The following ADAM22 variants were observed in gnomAD, a reference collection of about 807,000 sequenced individuals.
The protein encoded by ADAM22 is ADAM metallopeptidase domain 22, also known as disintegrin and metalloproteinase domain-containing protein 22.
A neutral mutation model predicts 144.6 loss-of-function variants in ADAM22; 65 were observed. The ratio of observed to expected loss-of-function variants is 0.45; its 90% CI spans 0.37 to 0.55. The LOEUF is 0.55. Among genes scored for constraint, ADAM22 ranks in the 20% least tolerant of loss-of-function variants. The pLI is 0.00. For missense variants in ADAM22, 974 were observed against 1,184.9 expected, an observed-to-expected ratio of 0.82 and a Z score of 2.61; for synonymous variants, 391 against 412.6, an observed-to-expected ratio of 0.95 and a Z score of 0.63.
At chr7:87,976,255 A>G (rs1232703095) in intron 2 of ADAM22, among the ~76,000 whole-genome samples, 1 of 152,184 alleles carries the variant, frequency 6.6e-6, no homozygotes, top group African/African-American at 2.4e-5. Context: ...CCACATTTAA[A>G]TGTTGAAACT....
chr7:88,012,638 AC>A (rs1444718721), intron 3 of ADAM22, among the ~76,000 whole-genome samples: 30 of 152,138 alleles, frequency 2.0e-4, no homozygotes, highest in African/African-American at 6.8e-4. Flanking sequence ...TTCAGCTGTA[AC>A]CCGTGAATAT....
At chr7:88,168,402 T>A in intron 25 of ADAM22, 175 bp downstream of exon 25, 1 of 680,744 alleles carries the variant, frequency 1.5e-6, no homozygotes, top group Non-Finnish European at 2.7e-6. Flanking sequence ...GATAATAACA[T>A]CATTTTTTAG....
intron 7 of ADAM22, among the ~76,000 whole-genome samples, chr7:88,117,732 C>T (rs1032365340): frequency 1.4e-5 from 2 of 147,684 alleles, no homozygotes; most frequent in Admixed American, 1.4e-4. Flanking sequence ...CTTGCTCTAT[C>T]GCCCAGGCTG....
At chr7:88,005,353 T>A (rs1391544252) in intron 3 of ADAM22, among the ~76,000 whole-genome samples, 1 of 152,150 alleles carries the variant, frequency 6.6e-6, no homozygotes, top group African/African-American at 2.4e-5. Flanking sequence ...GCAGGGGTAG[T>A]GGAAGCTATC....
intron 3 of ADAM22, among the ~76,000 whole-genome samples, chr7:87,990,561 A>G (rs924839592): frequency 6.6e-6 from 1 of 152,204 alleles, no homozygotes; most frequent in African/African-American, 2.4e-5. Context: ...ACTATTGGAA[A>G]CAATCACCCT....
intron 3 of ADAM22, among the ~76,000 whole-genome samples, chr7:88,041,050 A>G (rs1160364216): frequency 6.6e-6 from 1 of 152,028 alleles, no homozygotes; most frequent in East Asian, 1.9e-4. Context: ...TTCTGACCTG[A>G]TTAAGGGCTC....
intron 30 of ADAM22, among the ~76,000 whole-genome samples, chr7:88,189,899 A>T (rs1431348672): frequency 1.3e-5 from 2 of 151,528 alleles, no homozygotes; most frequent in Non-Finnish European, 2.9e-5. Flanking sequence ...AGCCGAGATC[A>T]CACCACTGTA....
intron 3 of ADAM22, among the ~76,000 whole-genome samples, chr7:88,053,159 C>A (rs1806991948): frequency 6.6e-6 from 1 of 152,112 alleles, no homozygotes; most frequent in South Asian, 2.1e-4. Flanking sequence ...CACAGACACA[C>A]AGACACACAT....
At chr7:88,002,647 A>G (rs895291095) in intron 3 of ADAM22, among the ~76,000 whole-genome samples, 1 of 152,258 alleles carries the variant, frequency 6.6e-6, no homozygotes, top group Non-Finnish European at 1.5e-5. Context: ...AAGGGAGATT[A>G]TATTTAATAA....
intron 14 of ADAM22, 132 bp downstream of exon 14, chr7:88,136,163 CTT>C: frequency 3.2e-6 from 2 of 627,014 alleles, no homozygotes; most frequent in Non-Finnish European, 4.8e-6. Context: ...AAAATAACCT[CTT>C]ATTTATAAAA....
intron 3 of ADAM22, among the ~76,000 whole-genome samples, chr7:87,996,354 A>C (rs941018113): frequency 6.6e-6 from 1 of 152,206 alleles, no homozygotes; most frequent in Non-Finnish European, 1.5e-5. Context: ...ATCAAGGCTG[A>C]TTCTGTCTTA....
Position 88,163,130 on chromosome 7 carries a change from T to C in ADAM22, c.2026T>C (p.Phe676Leu), listed in dbSNP as rs541315761. The C allele has an allele frequency of 4.7e-5, 75 of 1,612,210 alleles. No individual in the cohort carries two copies. The South Asian group carries it at 7.8e-4, about 17-fold the overall frequency. Residue 676 changes from phenylalanine to leucine, a missense_variant, in exon 23 of 32, where the codon TTT (phenylalanine) becomes CTT (leucine). By Grantham distance (22) the Phe-to-Leu change is conservative (BLOSUM62 0). Transcript: ENST00000413139. ...GTGTCTTCCTGTGGCTTCTTTCAAC[T>C]TTAGTACTTGCTTGAGCAGTAAAGA... Reference protein sequence around the residue: ...HRCLPVASFNFSTCLSSKEGT... With the variant: ...HRCLPVASFNLSTCLSSKEGT...
chr7:88,180,212 TC>T (rs1846661295), intron 27 of ADAM22, among the ~76,000 whole-genome samples: 1 of 152,118 alleles, frequency 6.6e-6, no homozygotes, highest in South Asian at 2.1e-4. Context: ...GGAGTATGTT[TC>T]TACAGAATAA....
At chr7:88,001,686 A>G (rs1792600972) in intron 3 of ADAM22, among the ~76,000 whole-genome samples, 2 of 151,964 alleles carry the variant, frequency 1.3e-5, no homozygotes, top group South Asian at 2.1e-4. Context: ...ATTGTGGCCC[A>G]CTGTGTGCTG....
chr7:88,178,756 C>G (rs1311917307), intron 26 of ADAM22, among the ~76,000 whole-genome samples, 179 bp from the exon 27 acceptor site: 1 of 152,018 alleles, frequency 6.6e-6, no homozygotes, highest in Non-Finnish European at 1.5e-5. Context: ...CATTTCTGGC[C>G]TCTACAGTTA....
At chr7:88,182,252 GC>G (rs1365855244) in intron 29 of ADAM22, 5 of 450,166 alleles carry the variant, frequency 1.1e-5, no homozygotes, top group African/African-American at 8.1e-5. Flanking sequence ...GGTCTCACCT[GC>G]AGGCTTTTTC....
intron 13 of ADAM22, 132 bp downstream of exon 13, chr7:88,134,551 C>T (rs189406471): frequency 1.5e-4 from 89 of 597,818 alleles, no homozygotes; most frequent in African/African-American, 1.4e-3. Flanking sequence ...AAACATCCAG[C>T]GCACAAACTG....
intron 20 of ADAM22, among the ~76,000 whole-genome samples, chr7:88,152,197 T>C (rs1838601472): frequency 1.3e-5 from 2 of 152,216 alleles, no homozygotes; most frequent in Admixed American, 1.3e-4. Context: ...TTTTATCCAC[T>C]TGAGCAAAAA....
intron 10 of ADAM22, 108 bp from the exon 11 acceptor site, chr7:88,131,160 TA>T: frequency 1.1e-6 from 1 of 887,506 alleles, no homozygotes; most frequent in South Asian, 1.9e-5. Flanking sequence ...TATCTCCCTT[TA>T]ACTAAAACTC....
Sources: gnomAD v4.1 joint callset for allele counts (sites outside exome capture counted in the v4.1 genomes callset) on GRCh38, gnomAD v4.1.1 for gene constraint, MANE v1.5 for transcripts, NCBI Gene and HGNC (gene_info 2026-07-23, HGNC 2026-07-21) for gene names.